ITGA8: variants seen among roughly 807,000 people sequenced by gnomAD.
ITGA8 encodes the protein integrin subunit alpha 8.
A neutral mutation model predicts 142.3 loss-of-function variants in ITGA8; 91 were observed. That is an observed-to-expected ratio of 0.64 (90% confidence interval 0.54 to 0.76). ITGA8 has a LOEUF of 0.76. Among genes scored for constraint, ITGA8 ranks in the 30% least tolerant of loss-of-function variants. The pLI, the probability that ITGA8 is intolerant of heterozygous loss-of-function variation, is 0.00. For missense variants in ITGA8, 1,406 were observed against 1,327.7 expected (o/e 1.06, Z -0.92); for synonymous variants, 505 against 485.2 (o/e 1.04, Z -0.54).
At position 15,577,082 on chromosome 10, in the gene ITGA8, G is replaced by C. The variant is rs9333181; in HGVS notation, c.2373-1488C>G. Among the ~76,000 whole-genome samples, 363 of 152,242 alleles carry C rather than the reference G, an allele frequency of 2.4e-3. 2 individuals carry two copies. Among genetic ancestry groups the C allele is most frequent in the African/African-American group, 8.3e-3 (343 of 41,532 alleles). On this transcript the variant is annotated intron_variant, in intron 23 of 29. Transcript: ENST00000378076. ...AACCCAAAGCTGGCGTTTGCTTTCA[G>C]CTTGGCAACAGAGAGTTGAGTTCGT...
At chr10:15,570,801 T>A (rs568857711) in intron 25 of ITGA8, among the ~76,000 whole-genome samples, 1 of 152,232 alleles carries the variant, frequency 6.6e-6, no homozygotes, top group East Asian at 1.9e-4. Flanking sequence ...ATTAAACCAG[T>A]TACATAATAT....
chr10:15,680,903 A>G (rs1834725262), intron 4 of ITGA8, among the ~76,000 whole-genome samples: 1 of 151,582 alleles, frequency 6.6e-6, no homozygotes, highest in Admixed American at 6.6e-5. Flanking sequence ...TTGAATCATA[A>G]TTTATGAGAG....
chr10:15,548,518 G>A lies in ITGA8; in HGVS notation c.2817C>T (p.Leu939=), dbSNP rs202032542. The change falls in exon 27 of 30, where the codon CTC becomes CTT. Residue 939 remains leucine, a synonymous_variant. Coordinates refer to ENST00000378076, the MANE Select transcript of ITGA8 (RefSeq NM_003638.3). ...CLQISCAVGR[L]EGGESAVLKV... is the part of the protein sequence containing the mutation. ...TCAGGACTGCGCTTTCTCCTCCTTC[G>A]AGTCGTCCCACTGCACAGGAGATTT... The A allele has an allele frequency of 3.6e-4, 576 of 1,602,210 alleles. No individual in the cohort carries two copies. Among genetic ancestry groups the A allele is most frequent in the Non-Finnish European group, 4.5e-4 (533 of 1,176,876 alleles).
intron 27 of ITGA8, among the ~76,000 whole-genome samples, chr10:15,536,678 T>A (rs1833445404): frequency 6.6e-6 from 1 of 152,222 alleles, no homozygotes; most frequent in African/African-American, 2.4e-5. Flanking sequence ...ACCTTCGTCT[T>A]GCCCCAGCTG....
intron 15 of ITGA8, among the ~76,000 whole-genome samples, chr10:15,608,961 C>T (rs1833246419): frequency 6.6e-6 from 1 of 151,976 alleles, no homozygotes; most frequent in African/African-American, 2.4e-5. Context: ...AAAGAGAAAA[C>T]AGGAAGTTTA....
intron 29 of ITGA8, among the ~76,000 whole-genome samples, 195 bp from the exon 30 acceptor site, chr10:15,517,439 T>G (rs1400818931): frequency 1.3e-5 from 2 of 152,130 alleles, no homozygotes; most frequent in African/African-American, 2.4e-5. Context: ...TTCTCCTGCC[T>G]CAGCCTCCGG....
Position 15,656,807 on chromosome 10 carries a change from G to A in ITGA8, c.949-1401C>T, listed in dbSNP as rs1318088823. On this transcript the variant is annotated intron_variant, in intron 10 of 29. Transcript: ENST00000378076. ...CATAGTGTGCCATGCAATGTTTGAA[G>A]TGACGTAGCTTCCATCGTGTCCTCA... 4.6e-5 allele frequency among the ~76,000 whole-genome samples: 7 copies of A among 152,306 alleles called. No homozygotes were observed. In the East Asian group the frequency reaches 1.2e-3, roughly 25 times the overall value.
chr10:15,553,228 G>T (rs2131562250), intron 26 of ITGA8, among the ~76,000 whole-genome samples: 1 of 151,736 alleles, frequency 6.6e-6, no homozygotes, highest in South Asian at 2.1e-4. Flanking sequence ...CCGCACTCCA[G>T]CCTGGGCGAC....
Position 15,620,308 on chromosome 10 carries a change from TACAC to T in ITGA8, c.1400-3753_1400-3750del, listed in dbSNP as rs4030584. Among the ~76,000 whole-genome samples the T allele has an allele frequency of 1.7e-3, 256 of 150,920 alleles. 1 individual carries two copies. Among genetic ancestry groups the T allele is most frequent in the African/African-American group, 4.2e-3 (172 of 41,134 alleles). ...GCATGTATACTTGAAGGTGTTGAGA[TACAC>T]ACACACACACACACACACACACGTT... On this transcript the variant is annotated intron_variant, in intron 13 of 29. Coordinates refer to ENST00000378076, the MANE Select transcript of ITGA8 (RefSeq NM_003638.3).
At chr10:15,563,468 T>G (rs953332369) in intron 25 of ITGA8, among the ~76,000 whole-genome samples, 16 of 152,184 alleles carry the variant, frequency 1.1e-4, no homozygotes, top group Non-Finnish European at 1.6e-4. Context: ...TATAGGTCAT[T>G]GACAATTATG....
intron 27 of ITGA8, among the ~76,000 whole-genome samples, chr10:15,544,882 C>T (rs910280856): frequency 3.9e-5 from 6 of 152,180 alleles, no homozygotes; most frequent in East Asian, 1.9e-4. Context: ...GTTAGGAGAT[C>T]GCTCAAGCAG....
At chr10:15,660,316 G>T (rs1834260527) in intron 9 of ITGA8, among the ~76,000 whole-genome samples, 1 of 152,162 alleles carries the variant, frequency 6.6e-6, no homozygotes, top group African/African-American at 2.4e-5. Context: ...CAAGGGGTCT[G>T]TGTTTTCATT....
At chr10:15,517,301 C>T (rs1832982238) in intron 29 of ITGA8, 57 bp from the exon 30 acceptor site, 1 of 1,175,142 alleles carries the variant, frequency 8.5e-7, no homozygotes, top group Non-Finnish European at 1.2e-6. Context: ...TGTGAAACCC[C>T]TCATTCAAAG....
intron 9 of ITGA8, among the ~76,000 whole-genome samples, chr10:15,659,838 G>T (rs9333120): frequency 0.22 from 33,589 of 152,032 alleles, 3,912 homozygotes; most frequent in Admixed American, 0.32. Context: ...ACAAGCCAAG[G>T]AATGCCAGGG....
intron 11 of ITGA8, among the ~76,000 whole-genome samples, chr10:15,654,510 A>G (rs1588701207): frequency 6.6e-6 from 1 of 152,246 alleles, no homozygotes; most frequent in African/African-American, 2.4e-5. Flanking sequence ...CCATGATACA[A>G]TTAACACAAA....
At chr10:15,526,030 T>A (rs1833167792) in intron 28 of ITGA8, among the ~76,000 whole-genome samples, 1 of 152,192 alleles carries the variant, frequency 6.6e-6, no homozygotes, top group South Asian at 2.1e-4. Context: ...AAGTTTACAT[T>A]GAAATGTGTG....
At chr10:15,518,417 G>A (rs1354901903) in intron 29 of ITGA8, among the ~76,000 whole-genome samples, 1 of 152,230 alleles carries the variant, frequency 6.6e-6, no homozygotes, top group Non-Finnish European at 1.5e-5. Context: ...TAGACCACAT[G>A]GGTGTAGGAT....
At chr10:15,621,164 G>A (rs1833483972) in intron 13 of ITGA8, among the ~76,000 whole-genome samples, 5 of 140,898 alleles carry the variant, frequency 3.5e-5, no homozygotes. Context: ...AGACACTTAA[G>A]CTGGCTTTTT....
intron 20 of ITGA8, 151 bp from the exon 21 acceptor site, chr10:15,597,450 G>A (rs1833028859): frequency 1.6e-6 from 1 of 612,222 alleles, no homozygotes; most frequent in African/African-American, 1.8e-5. Flanking sequence ...TAACTCAGAA[G>A]AGAAAATGGA....
Sources: gnomAD v4.1 joint callset for allele counts (sites outside exome capture counted in the v4.1 genomes callset) on GRCh38, gnomAD v4.1.1 for gene constraint, MANE v1.5 for transcripts, NCBI Gene and HGNC (gene_info 2026-07-23, HGNC 2026-07-21) for gene names.